CPNE8: variants seen among roughly 807,000 people sequenced by gnomAD.
The protein encoded by CPNE8 is copine 8.
CPNE8 carries 45 observed loss-of-function variants against 81.5 expected under a neutral mutation model. The ratio of observed to expected loss-of-function variants is 0.55; its 90% confidence interval spans 0.44 to 0.71. The LOEUF (loss-of-function observed/expected upper bound fraction) is 0.71. Ranked by LOEUF, CPNE8 falls within the 30% of genes least tolerant of loss-of-function variation. The pLI, the probability that CPNE8 is intolerant of heterozygous loss-of-function variation, is 0.00. For missense variants in CPNE8, 594 were observed against 672.1 expected (o/e 0.88, Z 1.28); for synonymous variants, 252 against 226.3 (o/e 1.11, Z -1.02).
intron 13 of CPNE8, among the ~76,000 whole-genome samples, chr12:38,710,207 T>G (rs1166451300): frequency 7.6e-6 from 1 of 131,154 alleles, no homozygotes; most frequent in Non-Finnish European, 1.6e-5. Flanking sequence ...TATGCAAAAT[T>G]GCCAACCTCT....
intron 11 of CPNE8, among the ~76,000 whole-genome samples, 193 bp downstream of exon 11, chr12:38,730,090 C>A (rs1482712245): frequency 1.3e-5 from 2 of 151,880 alleles, no homozygotes; most frequent in Non-Finnish European, 2.9e-5. Context: ...AATTAAAAAT[C>A]AAAAACATTT....
At chr12:38,783,037 A>G (rs1942090299) in intron 6 of CPNE8, among the ~76,000 whole-genome samples, 1 of 152,178 alleles carries the variant, frequency 6.6e-6, no homozygotes, top group Non-Finnish European at 1.5e-5. Flanking sequence ...GTTACCAAAA[A>G]AGATCAATTT....
chr12:38,674,765 T>G lies in CPNE8; in HGVS notation c.1432+952A>C, dbSNP rs567970957. On this transcript the variant is annotated intron_variant, in intron 18 of 19. Transcript: ENST00000331366. ...TGGTGCTTTACCTGAGACTGACAGC[T>G]CTTTATTATTCTCATGCAGGAGGGA... Among the ~76,000 whole-genome samples, 7 of 152,266 alleles carry G rather than the reference T, an allele frequency of 4.6e-5. No homozygotes were observed. The East Asian group carries it at 1.4e-3, about 29-fold the overall frequency.
At chr12:38,740,889 G>A (rs1284452384) in intron 10 of CPNE8, among the ~76,000 whole-genome samples, 1 of 152,054 alleles carries the variant, frequency 6.6e-6, no homozygotes, top group African/African-American at 2.4e-5. Context: ...TGGTATCAGG[G>A]TGAAGCTGGC....
chr12:38,796,528 C>A (rs1942477855), intron 6 of CPNE8, among the ~76,000 whole-genome samples: 1 of 151,862 alleles, frequency 6.6e-6, no homozygotes, highest in Non-Finnish European at 1.5e-5. Context: ...AGTTGAACAA[C>A]AAAAATAGTA....
At chr12:38,844,628 C>T (rs35792180) in intron 4 of CPNE8, among the ~76,000 whole-genome samples, 11,860 of 152,022 alleles carry the variant, frequency 0.078, 660 homozygotes, top group Non-Finnish European at 0.13. Flanking sequence ...AAATTATTAT[C>T]GGTTAACTAT....
At chr12:38,807,755 A>T (rs1167981097) in intron 6 of CPNE8, among the ~76,000 whole-genome samples, 2 of 151,410 alleles carry the variant, frequency 1.3e-5, no homozygotes, top group Admixed American at 1.3e-4. Flanking sequence ...GACAAACGGG[A>T]TCTAATTAAA....
chr12:38,702,580 T>C (rs1301222429), intron 14 of CPNE8, among the ~76,000 whole-genome samples: 3 of 152,046 alleles, frequency 2.0e-5, no homozygotes, highest in East Asian at 1.9e-4. Context: ...AGAGATACAA[T>C]AGGCTTCAGT....
intron 6 of CPNE8, among the ~76,000 whole-genome samples, chr12:38,781,603 C>A (rs1470908501): frequency 6.6e-6 from 1 of 152,058 alleles, no homozygotes; most frequent in Non-Finnish European, 1.5e-5. Context: ...CTCAATACTG[C>A]ATGCATCTAC....
chr12:38,696,780 C>CA (rs1196453502), intron 14 of CPNE8, among the ~76,000 whole-genome samples: 3 of 152,182 alleles, frequency 2.0e-5, no homozygotes, highest in African/African-American at 7.2e-5. Flanking sequence ...CATGGTGGCT[C>CA]ATGCCTGTAA....
At chr12:38,844,108 A>G (rs1943515440) in intron 4 of CPNE8, among the ~76,000 whole-genome samples, 1 of 152,190 alleles carries the variant, frequency 6.6e-6, no homozygotes, top group Admixed American at 6.5e-5. Flanking sequence ...AAGTGTTGAG[A>G]TCCATCTAAA....
chr12:38,653,992 C>A lies in CPNE8; in HGVS notation c.1585G>T (p.Ala529Ser). ...SMARLAKDVL[A>S]EIPEQFLSYM... Reference sequence around the variant, plus strand: ...GAGAGAAACTGCTCAGGGATCTCAGCTAGGACATCTTTAGCCAATCTAGCC... The same window carrying A: ...GAGAGAAACTGCTCAGGGATCTCAGATAGGACATCTTTAGCCAATCTAGCC... The change falls in exon 20 of 20, where the codon GCT becomes TCT. Residue 529 changes from alanine to serine, a missense_variant. Physicochemically the swap from Ala to Ser is moderately conservative, Grantham distance 99 (BLOSUM62 1). Transcript: ENST00000331366. 7 of 1,613,660 alleles carry A rather than the reference C, an allele frequency of 4.3e-6. 1 individual carries two copies. The South Asian group carries it at 6.6e-5, about 15-fold the overall frequency.
At chr12:38,702,305 T>C (rs1199641908) in intron 14 of CPNE8, among the ~76,000 whole-genome samples, 1 of 152,164 alleles carries the variant, frequency 6.6e-6, no homozygotes, top group African/African-American at 2.4e-5. Flanking sequence ...TTAAAAGGTT[T>C]AATACATAAA....
chr12:38,766,381 G>A (rs1326919418), intron 8 of CPNE8, among the ~76,000 whole-genome samples: 1 of 151,986 alleles, frequency 6.6e-6, no homozygotes, highest in Non-Finnish European at 1.5e-5. Flanking sequence ...CGAAATGCCT[G>A]GCAAATATTA....
intron 6 of CPNE8, among the ~76,000 whole-genome samples, chr12:38,827,797 C>G (rs1372532256): frequency 6.6e-6 from 1 of 152,026 alleles, no homozygotes; most frequent in Non-Finnish European, 1.5e-5. Flanking sequence ...AAGAAGGAAA[C>G]AGCAGACACT....
intron 13 of CPNE8, among the ~76,000 whole-genome samples, chr12:38,717,429 G>GTATATA (rs57044387): frequency 0.053 from 4,588 of 86,848 alleles, 240 homozygotes; most frequent in East Asian, 0.099. Context: ...AAAGTGTGGT[G>GTATATA]TATATATATA....
At chr12:38,852,628 T>C (rs1349423065) in intron 3 of CPNE8, among the ~76,000 whole-genome samples, 2 of 151,764 alleles carry the variant, frequency 1.3e-5, no homozygotes, top group Non-Finnish European at 2.9e-5. Context: ...AAATAAAATG[T>C]TTATGTTTCC....
chr12:38,795,872 G>GATAGATAGATAA (rs1373571913), intron 6 of CPNE8, among the ~76,000 whole-genome samples: 1 of 151,216 alleles, frequency 6.6e-6, no homozygotes, highest in Non-Finnish European at 1.5e-5. Flanking sequence ...TGGATGGATA[G>GATAGATAGATAA]ATAGATAGAT....
At chr12:38,892,245 G>A (rs903680771) in intron 1 of CPNE8, among the ~76,000 whole-genome samples, 2 of 152,212 alleles carry the variant, frequency 1.3e-5, no homozygotes, top group Non-Finnish European at 2.9e-5. Context: ...GATAAGGCTG[G>A]GAAAGGAATC....
Sources: gnomAD v4.1 joint callset for allele counts (sites outside exome capture counted in the v4.1 genomes callset) on GRCh38, gnomAD v4.1.1 for gene constraint, MANE v1.5 for transcripts, NCBI Gene and HGNC (gene_info 2026-07-23, HGNC 2026-07-21) for gene names.